NRXN1: variants seen among roughly 807,000 people sequenced by gnomAD.
The protein encoded by NRXN1 is neurexin 1.
Under a neutral mutation model 150.9 loss-of-function variants are expected in NRXN1, and 39 were observed. The observed-to-expected ratio is 0.26, with a 90% CI of 0.20 to 0.34. The LOEUF (loss-of-function observed/expected upper bound fraction) is 0.34. Among genes scored for constraint, NRXN1 ranks in the 10% least tolerant of loss-of-function variants. The probability of loss-of-function intolerance (pLI) is 1.00; values close to 1 mark genes in which losing one functional copy is unlikely to be tolerated. For synonymous variants in NRXN1, 924 were observed against 757.0 expected (o/e 1.22, Z -3.62); for missense variants, 1,815 against 1,949.9 (o/e 0.93, Z 1.30).
intron 19 of NRXN1, among the ~76,000 whole-genome samples, chr2:50,075,872 G>A (rs1385950564): frequency 6.6e-6 from 1 of 151,956 alleles, no homozygotes; most frequent in Non-Finnish European, 1.5e-5. Context: ...AGCACAGACT[G>A]TATTTCAGCC....
Position 50,346,681 on chromosome 2 carries a change from G to C in NRXN1, c.3365-109711C>G. The C allele has an allele frequency of 1.2e-6, 2 of 1,612,330 alleles. No individual in the cohort carries two copies. The highest frequency in any genetic ancestry group is 1.7e-6 in the Non-Finnish European group (2 of 1,178,942). ...GGATAACCCGCGAGAACTTGGCATC[G>C]CAGACCCACCGTGTCCGCCTCGCAA... is the stretch of plus-strand genomic sequence containing the variant. On this transcript the variant is annotated intron_variant, in intron 17 of 22. Transcript: ENST00000401669. This position sits in a 1 kb window ranked among gnomAD's most constrained non-coding sequence, Gnocchi z 5.0.
intron 18 of NRXN1, among the ~76,000 whole-genome samples, chr2:50,156,023 A>G (rs528999205): frequency 6.6e-6 from 1 of 151,836 alleles, no homozygotes; most frequent in East Asian, 1.9e-4. Context: ...CTAGAATTAT[A>G]TATATATCAA....
At chr2:50,585,372 G>A (rs1241619452) in intron 8 of NRXN1, among the ~76,000 whole-genome samples, 1 of 152,134 alleles carries the variant, frequency 6.6e-6, no homozygotes, top group Non-Finnish European at 1.5e-5. Context: ...GGGCTTGTGG[G>A]AGAAGAATAT....
intron 5 of NRXN1, among the ~76,000 whole-genome samples, chr2:50,815,252 G>C (rs1668763413): frequency 6.6e-6 from 1 of 152,128 alleles, no homozygotes; most frequent in South Asian, 2.1e-4. Context: ...CCGATCTCCA[G>C]TGCAGAGGTG....
intron 9 of NRXN1, among the ~76,000 whole-genome samples, chr2:50,541,742 A>G (rs1573470293): frequency 6.6e-6 from 1 of 152,020 alleles, no homozygotes; most frequent in East Asian, 1.9e-4. Flanking sequence ...AATGTTTAAA[A>G]GAAAAAAAAA....
At chr2:50,314,637 A>C (rs1158056522) in intron 17 of NRXN1, among the ~76,000 whole-genome samples, 1 of 151,976 alleles carries the variant, frequency 6.6e-6, no homozygotes, top group Admixed American at 6.6e-5. Context: ...TTTTAATGCC[A>C]CTAAACCACA....
chr2:50,790,507 G>T (rs931574649), intron 5 of NRXN1, among the ~76,000 whole-genome samples: 3 of 152,094 alleles, frequency 2.0e-5, no homozygotes, highest in Non-Finnish European at 4.4e-5. Flanking sequence ...TGTAACCCCA[G>T]CTACTCAGGA....
intron 12 of NRXN1, 140 bp from the exon 13 acceptor site, chr2:50,506,757 G>T: frequency 1.2e-6 from 1 of 853,200 alleles, no homozygotes; most frequent in South Asian, 2.1e-5. Context: ...AAGAGAGAGA[G>T]GAGGGAGAGA....
At chr2:49,951,912 C>G (rs1483518148) in intron 21 of NRXN1, among the ~76,000 whole-genome samples, 2 of 152,000 alleles carry the variant, frequency 1.3e-5, no homozygotes, top group Non-Finnish European at 2.9e-5. Flanking sequence ...TGGATAATTT[C>G]AACTAGCATG....
Position 50,346,880 on chromosome 2 carries a change from C to A in NRXN1, c.3365-109910G>T. On this transcript the variant is annotated intron_variant, in intron 17 of 22. Coordinates refer to ENST00000401669, the MANE Select transcript of NRXN1 (RefSeq NM_001330078.2). This position sits in a 1 kb window ranked among gnomAD's most constrained non-coding sequence, Gnocchi z 5.0. Reference sequence around the variant, plus strand: ...GCCAGGCGCCCCCCTGCGCCGCCGCCGCCGCCGCCGCCGCCGCCGCCCCCG... The same window carrying A: ...GCCAGGCGCCCCCCTGCGCCGCCGCAGCCGCCGCCGCCGCCGCCGCCCCCG... 1 of 1,299,204 alleles carries A rather than the reference C, an allele frequency of 7.7e-7. No homozygotes were observed. Among genetic ancestry groups the A allele is most frequent in the Non-Finnish European group, 9.7e-7 (1 of 1,029,170 alleles). 80.5% of individuals were successfully genotyped at this position (1,299,204 alleles called of 1,614,324 possible).
intron 17 of NRXN1, among the ~76,000 whole-genome samples, chr2:50,367,539 A>G (rs1301682246): frequency 6.6e-6 from 1 of 152,034 alleles, no homozygotes; most frequent in Non-Finnish European, 1.5e-5. Flanking sequence ...CTCATTCAGA[A>G]ATAAATGATT....
At chr2:50,972,088 A>AC (rs35178225) in intron 2 of NRXN1, among the ~76,000 whole-genome samples, 1,018 of 62,022 alleles carry the variant, frequency 0.016, 9 homozygotes, top group African/African-American at 0.074. Context: ...TTTTATTCAC[A>AC]AAAAAAAAAA....
intron 5 of NRXN1, among the ~76,000 whole-genome samples, chr2:50,648,479 C>G (rs545132815): frequency 1.4e-4 from 22 of 152,076 alleles, no homozygotes; most frequent in African/African-American, 5.3e-4. Flanking sequence ...TGATAAAGAT[C>G]ATTTATCATA....
At chr2:50,535,525 A>G (rs2093233837) in intron 10 of NRXN1, among the ~76,000 whole-genome samples, 1 of 152,234 alleles carries the variant, frequency 6.6e-6, no homozygotes, top group Non-Finnish European at 1.5e-5. Context: ...AACAGTATAA[A>G]GCAGATCTCT....
chr2:50,338,707 G>GAAA (rs56387541), intron 17 of NRXN1, among the ~76,000 whole-genome samples: 80 of 135,274 alleles, frequency 5.9e-4, no homozygotes, highest in African/African-American at 1.8e-3. Context: ...ATTAGAAAGA[G>GAAA]AAAAAAAAAA....
chr2:50,479,948 A>G (rs1235823349), intron 15 of NRXN1, among the ~76,000 whole-genome samples: 1 of 151,586 alleles, frequency 6.6e-6, no homozygotes, highest in Non-Finnish European at 1.5e-5. Flanking sequence ...TAACTTCTGT[A>G]TTTTTAGTAG....
At chr2:50,743,538 C>T (rs1360967066) in intron 5 of NRXN1, among the ~76,000 whole-genome samples, 1 of 152,112 alleles carries the variant, frequency 6.6e-6, no homozygotes, top group Non-Finnish European at 1.5e-5. Flanking sequence ...TAATGTTAAG[C>T]ACTTCCCACA....
chr2:50,494,558 T>G (rs899618005), intron 15 of NRXN1, among the ~76,000 whole-genome samples: 1 of 152,192 alleles, frequency 6.6e-6, no homozygotes, highest in Non-Finnish European at 1.5e-5. Context: ...TGGGTACAAA[T>G]AAGATCTCTT....
intron 4 of NRXN1, 185 bp downstream of exon 4, chr2:50,922,473 A>T: frequency 1.4e-6 from 1 of 702,628 alleles, no homozygotes; most frequent in Non-Finnish European, 2.6e-6. Context: ...CACAGGAACA[A>T]ACCAAAATCA....
Sources: allele counts gnomAD v4.1 joint callset (sites outside exome capture counted in the v4.1 genomes callset), GRCh38; gene constraint gnomAD v4.1.1; non-coding constraint Gnocchi (gnomAD v3.1); transcripts MANE v1.5; gene names NCBI Gene and HGNC (gene_info 2026-07-23, HGNC 2026-07-21).